Variants in IYD observed in about 807,000 individuals in gnomAD.
The protein encoded by IYD is iodotyrosine deiodinase 1.
A neutral mutation model predicts 28.4 loss-of-function variants in IYD; 25 were observed. That is an observed-to-expected ratio of 0.88 (90% CI 0.64 to 1.23). The LOEUF is 1.23. Among genes scored for constraint, IYD ranks in the 50% most tolerant of loss-of-function variants. The pLI, the probability that IYD is intolerant of heterozygous loss-of-function variation, is 0.00. For missense variants in IYD, 352 were observed against 357.9 expected (o/e 0.98, Z 0.13); for synonymous variants, 140 against 130.8 (o/e 1.07, Z -0.48).
intron 1 of IYD, among the ~76,000 whole-genome samples, chr6:150,382,313 A>G (rs1009898478): frequency 6.6e-6 from 1 of 152,050 alleles, no homozygotes; most frequent in African/African-American, 2.4e-5. Flanking sequence ...CTTCTGCCCA[A>G]TCTTGTTTCT....
At chr6:150,385,492 TAA>T (rs35069786) in intron 1 of IYD, among the ~76,000 whole-genome samples, 61,177 of 150,660 alleles carry the variant, frequency 0.41, 13,703 homozygotes, top group Non-Finnish European at 0.52. Flanking sequence ...TTTAATGTGA[TAA>T]AAAAAAAAAG....
At chr6:150,389,283 T>C in intron 1 of IYD, 69 bp from the exon 2 acceptor site, 10 of 1,180,622 alleles carry the variant, frequency 8.5e-6, no homozygotes, top group Non-Finnish European at 1.3e-5. Flanking sequence ...CTTTATCTTC[T>C]TCTCCCCAGC....
rs1053716539 is a variant in IYD, at chr6:150,398,991, T to G, written c.*754T>G. 9.2e-5 allele frequency: 14 copies of G among 152,106 alleles called. No individual in the cohort carries two copies. The highest frequency in any genetic ancestry group is 3.4e-4 in the African/African-American group (14 of 41,386). The allele number at this position is 152,106 out of a possible 1,614,324, so 9.4% of individuals were successfully genotyped here. A position where few individuals can be genotyped will look rare whatever the true frequency, so the allele number is the denominator to read the frequency against. On this transcript the variant is annotated 3_prime_UTR_variant, in exon 5 of 5. Coordinates refer to ENST00000344419, the MANE Select transcript of IYD (RefSeq NM_203395.3). ...TAGAGATTGCAGTGAGTCAAGATGC[T>G]GAGATGCCACCACTGCACTCCAGCC...
At chr6:150,385,692 A>G (rs1777837455) in intron 1 of IYD, among the ~76,000 whole-genome samples, 1 of 151,942 alleles carries the variant, frequency 6.6e-6, no homozygotes, top group African/African-American at 2.4e-5. Flanking sequence ...GTTTGGTATC[A>G]AGGTTGTGGT....
intron 1 of IYD, among the ~76,000 whole-genome samples, chr6:150,372,285 A>ATG (rs1777274209): frequency 2.3e-5 from 3 of 133,190 alleles, no homozygotes; most frequent in African/African-American, 5.5e-5. Context: ...GTGAGGGGTC[A>ATG]TTGTGTGACC....
chr6:150,390,573 T>A (rs1374169902), intron 2 of IYD, among the ~76,000 whole-genome samples: 2 of 152,172 alleles, frequency 1.3e-5, no homozygotes, highest in African/African-American at 4.8e-5. Flanking sequence ...TTGGGAGTGG[T>A]GTGTGGCAAG....
At position 150,395,105 on chromosome 6, in the gene IYD, A is replaced by G. The variant is rs115814785; in HGVS notation, c.687+850A>G. ...CCAAAGTACTGGGATTACAGGCGTA[A>G]GCCACCATGCCTGGCCTCTGAGCTC... On this transcript the variant is annotated intron_variant, in intron 4 of 4. Coordinates refer to ENST00000344419, the MANE Select transcript of IYD (RefSeq NM_203395.3). Among the ~76,000 whole-genome samples the G allele has an allele frequency of 9.6e-3, 1,466 of 152,322 alleles. 17 individuals carry two copies. Among genetic ancestry groups the G allele is most frequent in the African/African-American group, 0.03 (1,232 of 41,582 alleles).
chr6:150,374,841 T>G (rs9480323), intron 1 of IYD, among the ~76,000 whole-genome samples: 1 of 151,992 alleles, frequency 6.6e-6, no homozygotes, highest in Non-Finnish European at 1.5e-5. Flanking sequence ...CACCTCTTAC[T>G]TGGGTGCCAT....
chr6:150,383,465 A>G (rs1293260901), intron 1 of IYD, among the ~76,000 whole-genome samples: 2 of 152,214 alleles, frequency 1.3e-5, no homozygotes, highest in African/African-American at 4.8e-5. Context: ...TTCCTACAAT[A>G]ACAGATGAGC....
At chr6:150,371,033 C>T (rs9480320) in intron 1 of IYD, among the ~76,000 whole-genome samples, 2 of 152,108 alleles carry the variant, frequency 1.3e-5, no homozygotes, top group Non-Finnish European at 2.9e-5. Context: ...AATGAATCCA[C>T]AAAGTGGGCA....
rs1287153829 is a variant in IYD, at chr6:150,402,441, A to G, written c.*4204A>G. On this transcript the variant is annotated 3_prime_UTR_variant, in exon 5 of 5. Coordinates refer to ENST00000344419, the MANE Select transcript of IYD (RefSeq NM_203395.3). Reference sequence around the variant, plus strand: ...CCTGCACCTGCAAGGAAGGAGGCCCAGATGTGTGTAGGTGCTGGATGTCTC... The same window carrying G: ...CCTGCACCTGCAAGGAAGGAGGCCCGGATGTGTGTAGGTGCTGGATGTCTC... 6.6e-6 allele frequency: 1 copy of G among 152,274 alleles called. No homozygotes were observed. The highest frequency in any genetic ancestry group is 1.5e-5 in the Non-Finnish European group (1 of 68,064). The allele number at this position is 152,274 out of a possible 1,614,324, so 9.4% of individuals were successfully genotyped here.
chr6:150,387,685 TC>T (rs771479339), intron 1 of IYD, among the ~76,000 whole-genome samples: 5 of 152,118 alleles, frequency 3.3e-5, no homozygotes, highest in Non-Finnish European at 7.4e-5. Flanking sequence ...CTGACTTACC[TC>T]CCAGTTCATT....
chr6:150,387,806 C>T (rs980281066), intron 1 of IYD, among the ~76,000 whole-genome samples: 3 of 151,856 alleles, frequency 2.0e-5, no homozygotes, highest in African/African-American at 4.8e-5. Flanking sequence ...TTTATATTAG[C>T]TTTTATTCTT....
chr6:150,390,917 C>T (rs960479834), intron 2 of IYD, among the ~76,000 whole-genome samples: 7 of 152,104 alleles, frequency 4.6e-5, no homozygotes, highest in African/African-American at 9.7e-5. Context: ...GACACATGGC[C>T]GTGCGTATTG....
Position 150,369,079 on chromosome 6 carries a change from T to C in IYD, c.48T>C (p.Val16=), listed in dbSNP as rs1440135526. Residue 16 remains valine (V), a synonymous_variant, in exon 1 of 5, where the codon GTT becomes GTC. Transcript: ENST00000344419. ...PILVAILCIL[V]VWIFKNADRS... The stretch of plus-strand genomic sequence containing the variant: ...TGGTAGCCATTCTCTGCATTTTGGT[T>C]GTGTGGATCTTTAAAAATGCCGACA... 1.2e-6 allele frequency: 2 copies of C among 1,613,948 alleles called. No homozygotes were observed. The highest frequency in any genetic ancestry group is 1.7e-6 in the Non-Finnish European group (2 of 1,179,988).
chr6:150,396,450 A>T (rs1778314332), intron 4 of IYD: 1 of 693,772 alleles, frequency 1.4e-6, no homozygotes, highest in Admixed American at 2.1e-5. Flanking sequence ...GAATTGTTTA[A>T]TATGGTCTGT....
chr6:150,385,262 G>A (rs1416886564), intron 1 of IYD: 1 of 151,988 alleles, frequency 6.6e-6, no homozygotes, highest in South Asian at 2.1e-4. Context: ...TTCATATTTA[G>A]AATTGTGGTG....
intron 1 of IYD, among the ~76,000 whole-genome samples, chr6:150,388,631 CT>C (rs1777974686): frequency 1.1e-4 from 1 of 8,936 alleles, no homozygotes; most frequent in East Asian, 3.4e-3. Flanking sequence ...GGAGTTTTTG[CT>C]TTCTTTCTTT....
In IYD at chr6:150,403,577, TG is replaced by T. The variant is rs1425875343; in HGVS notation, c.*5343del. 6.6e-6 allele frequency: 1 copy of T among 152,248 alleles called. No homozygotes were observed. Among genetic ancestry groups the T allele is most frequent in the African/African-American group, 2.4e-5 (1 of 41,462 alleles). 9.4% of individuals were successfully genotyped at this position (152,248 alleles called of 1,614,324 possible). ...GCTGATGCCAGGTCTGCTCCCTATC[TG>T]GGTGGCCTCAGCAAATGACGTCCAG... On this transcript the variant is annotated 3_prime_UTR_variant, in exon 5 of 5. Transcript: ENST00000344419.
Sources: allele counts gnomAD v4.1 joint callset (sites outside exome capture counted in the v4.1 genomes callset), GRCh38; gene constraint gnomAD v4.1.1; transcripts MANE v1.5; gene names NCBI Gene and HGNC (gene_info 2026-07-23, HGNC 2026-07-21).